The following DLGAP2 variants were observed in gnomAD, a reference collection of about 807,000 sequenced individuals.
DLGAP2 encodes the protein disks large-associated protein 2.
DLGAP2 carries 26 observed loss-of-function variants against 100.3 expected under a neutral mutation model. That is an observed-to-expected ratio of 0.26 (90% confidence interval 0.19 to 0.36). The LOEUF (loss-of-function observed/expected upper bound fraction) is 0.36, where lower values mean the gene tolerates loss of function less well. DLGAP2 is among the 10% of genes least tolerant of loss of function. The pLI is 1.00. For missense variants in DLGAP2, 1,858 were observed against 1,453.2 expected, an observed-to-expected ratio of 1.28 and a Z score of -4.53; for synonymous variants, 886 against 630.1, an observed-to-expected ratio of 1.41 and a Z score of -6.08.
At chr8:1,496,340 C>T (rs1405799284) in intron 3 of DLGAP2, among the ~76,000 whole-genome samples, 1 of 152,094 alleles carries the variant, frequency 6.6e-6, no homozygotes, top group Non-Finnish European at 1.5e-5. Flanking sequence ...GGGTCGGAAC[C>T]TGCAGGTCTG....
intron 2 of DLGAP2, among the ~76,000 whole-genome samples, chr8:998,120 C>G (rs988431425): frequency 6.6e-6 from 1 of 152,036 alleles, no homozygotes; most frequent in African/African-American, 2.4e-5. Flanking sequence ...CGTGTATGAA[C>G]ACAAACATGC....
At chr8:1,251,481 A>C (rs1377593762) in intron 2 of DLGAP2, among the ~76,000 whole-genome samples, 1 of 152,220 alleles carries the variant, frequency 6.6e-6, no homozygotes, top group African/African-American at 2.4e-5. Context: ...GTCTGTCCCC[A>C]GGCTGGAGTG....
At chr8:1,210,450 G>C (rs73540180) in intron 2 of DLGAP2, among the ~76,000 whole-genome samples, 8,649 of 152,300 alleles carry the variant, frequency 0.057, 834 homozygotes, top group African/African-American at 0.2. Flanking sequence ...TTCAAGAGCA[G>C]CAGGAGTGTG....
intron 2 of DLGAP2, among the ~76,000 whole-genome samples, chr8:1,108,706 G>A (rs1325980052): frequency 7.6e-5 from 11 of 143,838 alleles, no homozygotes; most frequent in Non-Finnish European, 3.0e-5. Flanking sequence ...GGTCTGTGAG[G>A]TGTGCACGTG....
At chr8:1,455,716 AT>A (rs1798293856) in intron 3 of DLGAP2, among the ~76,000 whole-genome samples, 1 of 152,178 alleles carries the variant, frequency 6.6e-6, no homozygotes, top group Non-Finnish European at 1.5e-5. Context: ...CCATTTATAT[AT>A]TAATTAAGCG....
intron 3 of DLGAP2, among the ~76,000 whole-genome samples, chr8:1,334,442 G>A (rs1334084798): frequency 6.6e-6 from 1 of 152,190 alleles, no homozygotes; most frequent in African/African-American, 2.4e-5. Context: ...GTAAATATGT[G>A]CTGTGGGAAC....
At chr8:1,408,188 T>G (rs1796627789) in intron 3 of DLGAP2, among the ~76,000 whole-genome samples, 1 of 152,222 alleles carries the variant, frequency 6.6e-6, no homozygotes, top group African/African-American at 2.4e-5. Flanking sequence ...TTCCCGTAGT[T>G]GAAGAACACA....
intron 3 of DLGAP2, among the ~76,000 whole-genome samples, chr8:1,279,146 G>T (rs1274536831): frequency 6.6e-6 from 1 of 152,214 alleles, no homozygotes; most frequent in Non-Finnish European, 1.5e-5. Context: ...GGTGTCAGTA[G>T]TGTGCTTTGA....
chr8:1,410,832 A>AT (rs33928314), intron 3 of DLGAP2, among the ~76,000 whole-genome samples: 10,936 of 135,212 alleles, frequency 0.081, 630 homozygotes, highest in East Asian at 0.25. Context: ...CTCTGGAGCC[A>AT]TTTTTTTTTT....
chr8:1,670,684 G>A (rs1798669364), intron 10 of DLGAP2, among the ~76,000 whole-genome samples: 2 of 152,086 alleles, frequency 1.3e-5, no homozygotes, highest in African/African-American at 4.8e-5. Flanking sequence ...TTTCATGGCA[G>A]TAAGAAAAAA....
In DLGAP2 at chr8:1,007,317, C is replaced by A. The variant is rs141829593; in HGVS notation, c.73+99351C>A. Among the ~76,000 whole-genome samples, 193 of 152,330 alleles carry A rather than the reference C, an allele frequency of 1.3e-3. 2 individuals are homozygous for A. The highest frequency in any genetic ancestry group is 4.4e-3 in the African/African-American group (182 of 41,588). On this transcript the variant is annotated intron_variant, in intron 2 of 14. Transcript: ENST00000637795. ...GGGGTTTGCTGGAGGACCTGGCCAGCCGCTCTCAGGTGCCCACGTCTCACT... is the reference window on the plus strand; with the variant it reads ...GGGGTTTGCTGGAGGACCTGGCCAGACGCTCTCAGGTGCCCACGTCTCACT...
chr8:1,686,926 A>T (rs1799130769), intron 12 of DLGAP2, among the ~76,000 whole-genome samples: 1 of 152,236 alleles, frequency 6.6e-6, no homozygotes, highest in Admixed American at 6.5e-5. Flanking sequence ...CGTCCCAGTC[A>T]TCCTGATTTG....
In DLGAP2 at chr8:1,237,117, T is replaced by TAC. The variant is rs1563271480; in HGVS notation, c.74-21734_74-21733insAC. 3.5e-3 allele frequency among the ~76,000 whole-genome samples: 162 copies of TAC among 45,898 alleles called. 1 individual carries two copies. Among genetic ancestry groups the TAC allele is most frequent in the African/African-American group, 0.014 (154 of 10,742 alleles). The allele number at this position is 45,898 out of a possible 152,430, so 30.1% of individuals were successfully genotyped here. On this transcript the variant is annotated intron_variant, in intron 2 of 14. Coordinates refer to ENST00000637795, the MANE Select transcript of DLGAP2 (RefSeq NM_001346810.2). Reference sequence around the variant, plus strand: ...TCTCTCACATGGCACCGTGCCTAGTTCTGTCTCACATGGGGCCGTGTCTAG... The same window carrying TAC: ...TCTCTCACATGGCACCGTGCCTAGTTACCTGTCTCACATGGGGCCGTGTCTAG...
At chr8:910,475 T>C (rs2128999335) in intron 2 of DLGAP2, 1 of 152,332 alleles carries the variant, frequency 6.6e-6, no homozygotes, top group South Asian at 2.1e-4. Flanking sequence ...GTGTGTTTGT[T>C]GGTGGAGGAG....
At chr8:1,473,089 C>T (rs550807541) in intron 3 of DLGAP2, among the ~76,000 whole-genome samples, 3 of 152,152 alleles carry the variant, frequency 2.0e-5, no homozygotes, top group African/African-American at 7.2e-5. Context: ...TGCCACCACA[C>T]CTGGCTAATT....
At position 1,502,725 on chromosome 8, in the gene DLGAP2, G is replaced by A. The variant is rs1269673494; in HGVS notation, c.172+1294G>A. 2.0e-5 allele frequency among the ~76,000 whole-genome samples: 3 copies of A among 152,278 alleles called. No homozygotes were observed. In the East Asian group the frequency reaches 5.8e-4, roughly 29 times the overall value. The stretch of plus-strand genomic sequence containing the variant: ...TGCCTGGGGAGGCTTCCAAATGCAC[G>A]GGACTCATTTGACGTTTGTTTTCTT... On this transcript the variant is annotated intron_variant, in intron 4 of 14. Transcript: ENST00000637795.
intron 2 of DLGAP2, among the ~76,000 whole-genome samples, chr8:1,161,077 T>A (rs1796879609): frequency 6.6e-6 from 1 of 152,234 alleles, no homozygotes; most frequent in South Asian, 2.1e-4. Context: ...CTTTGCCTAT[T>A]CCAGCAGGTT....
At chr8:1,325,173 G>C (rs1255057088) in intron 3 of DLGAP2, among the ~76,000 whole-genome samples, 1 of 152,182 alleles carries the variant, frequency 6.6e-6, no homozygotes, top group Non-Finnish European at 1.5e-5. Context: ...CCCCAGAGCT[G>C]GTGTAGCGGA....
rs1046842957 is a variant in DLGAP2 at position 757,142 on chromosome 8, C to T, written c.18+19317C>T. The stretch of plus-strand genomic sequence containing the variant: ...TCGTGCTGTTTTTCCTCATTGCTCT[C>T]TGTCCCCTTCCCTTTGCCATCTAAC... On this transcript the variant is annotated intron_variant, in intron 1 of 14. Coordinates refer to ENST00000637795, the MANE Select transcript of DLGAP2 (RefSeq NM_001346810.2). Among the ~76,000 whole-genome samples the T allele has an allele frequency of 3.3e-5, 5 of 152,322 alleles. No homozygotes were observed. The East Asian group carries it at 9.7e-4, about 29-fold the overall frequency.
Sources: gnomAD v4.1 joint callset for allele counts (sites outside exome capture counted in the v4.1 genomes callset) on GRCh38, gnomAD v4.1.1 for gene constraint, MANE v1.5 for transcripts, NCBI Gene and HGNC (gene_info 2026-07-23, HGNC 2026-07-21) for gene names.